Variants in NCKAP5 observed in about 807,000 individuals in gnomAD.
NCKAP5 encodes the protein nck-associated protein 5.
NCKAP5 carries 92 observed loss-of-function variants against 167.0 expected under a neutral mutation model. The ratio of observed to expected loss-of-function variants is 0.55; its 90% CI spans 0.47 to 0.66. The LOEUF (loss-of-function observed/expected upper bound fraction) is 0.66, where lower values mean the gene tolerates loss of function less well. Ranked by LOEUF, NCKAP5 falls within the 30% of genes least tolerant of loss-of-function variation. NCKAP5 has a pLI of 0.00. For missense variants in NCKAP5, 2,378 were observed against 2,315.0 expected (o/e 1.03, Z -0.56); for synonymous variants, 891 against 877.4 (o/e 1.02, Z -0.27).
At chr2:133,506,805 T>C (rs1321873044) in intron 3 of NCKAP5, among the ~76,000 whole-genome samples, 1 of 152,220 alleles carries the variant, frequency 6.6e-6, no homozygotes, top group Non-Finnish European at 1.5e-5. Flanking sequence ...GAGTGTGCAA[T>C]GTGTCTCCTT....
At chr2:132,792,397 A>G (rs1275485173) in intron 12 of NCKAP5, among the ~76,000 whole-genome samples, 1 of 152,212 alleles carries the variant, frequency 6.6e-6, no homozygotes, top group African/African-American at 2.4e-5. Flanking sequence ...AGATGCCTAC[A>G]ACAAATGGTT....
chr2:132,842,558 T>C (rs1197360288), intron 11 of NCKAP5, among the ~76,000 whole-genome samples: 4 of 152,108 alleles, frequency 2.6e-5, no homozygotes, highest in Non-Finnish European at 5.9e-5. Context: ...TTTCTTTTTT[T>C]TAAATCCTTT....
At chr2:133,477,024 C>T (rs1318661838) in intron 3 of NCKAP5, among the ~76,000 whole-genome samples, 2 of 152,202 alleles carry the variant, frequency 1.3e-5, no homozygotes, top group Non-Finnish European at 2.9e-5. Context: ...AACCTTTTCT[C>T]ACACATCCGC....
At chr2:133,273,641 T>G (rs1029311426) in intron 4 of NCKAP5, among the ~76,000 whole-genome samples, 1 of 151,944 alleles carries the variant, frequency 6.6e-6, no homozygotes, top group African/African-American at 2.4e-5. Context: ...AAAGGAAAAT[T>G]AAGGAGGCTC....
At chr2:132,894,769 A>T (rs1390508716) in intron 8 of NCKAP5, among the ~76,000 whole-genome samples, 2 of 152,174 alleles carry the variant, frequency 1.3e-5, no homozygotes, top group Non-Finnish European at 2.9e-5. Flanking sequence ...GATGGACAGT[A>T]GCAGGGTGAC....
At chr2:133,057,736 G>A (rs1304166171) in intron 6 of NCKAP5, among the ~76,000 whole-genome samples, 2 of 152,208 alleles carry the variant, frequency 1.3e-5, no homozygotes, top group African/African-American at 2.4e-5. Flanking sequence ...TGCTTTAGGT[G>A]CTTTTATATG....
chr2:132,906,443 G>T (rs1461074723), intron 8 of NCKAP5, among the ~76,000 whole-genome samples: 1 of 152,134 alleles, frequency 6.6e-6, no homozygotes, highest in Non-Finnish European at 1.5e-5. Context: ...GCCATGCAGA[G>T]GTGATATGGA....
chr2:133,237,047 TAA>T (rs112372084), intron 4 of NCKAP5, among the ~76,000 whole-genome samples: 4 of 142,908 alleles, frequency 2.8e-5, no homozygotes, highest in African/African-American at 1.0e-4. Context: ...TAAAGTATAA[TAA>T]AAAAAAAAGA....
At position 133,230,554 on chromosome 2, in the gene NCKAP5, C is replaced by T. The variant is rs2087097501; in HGVS notation, c.144-16775G>A. ...TGAGTTCTAATGTTACACTGGTCAC[C>T]CTGAGAGCTTTTTGCAAACTTCTTC... On this transcript the variant is annotated intron_variant, in intron 4 of 19. Transcript: ENST00000409261. 1.3e-5 allele frequency among the ~76,000 whole-genome samples: 2 copies of T among 152,088 alleles called. 1 individual carries two copies. The highest frequency in any genetic ancestry group is 4.1e-4 in the South Asian group (2 of 4,822).
chr2:133,391,022 G>A (rs1032912662), intron 3 of NCKAP5: 2 of 152,156 alleles, frequency 1.3e-5, no homozygotes, highest in African/African-American at 4.8e-5. Context: ...CATGTAGATG[G>A]AGCCTTCTTT....
chr2:132,784,940 C>A lies in NCKAP5; in HGVS notation c.1871G>T (p.Gly624Val). 1 of 1,600,750 alleles carries A rather than the reference C, an allele frequency of 6.2e-7. No homozygotes were observed. ...VENLDVLVGF[G>V]KSLCGSPEEE... ...TTCAGGAGACCCACATAGAGATTTT[C>A]CAAACCCCACAAGGACATCCAGGTT... The change falls in exon 14 of 20, where the codon GGA (glycine) becomes GTA (valine). Residue 624 changes from glycine (G) to valine (V), a missense_variant. By Grantham distance (109) the Gly-to-Val change is moderately radical. Transcript: ENST00000409261.
At chr2:133,651,339 G>T in the NCKAP5 span, among the ~76,000 whole-genome samples, 1 of 152,140 alleles carries the variant, frequency 6.6e-6, no homozygotes, top group Non-Finnish European at 1.5e-5. Flanking sequence ...TAAAATATGG[G>T]CTAAGGACTT....
chr2:132,987,490 A>T (rs774599836), intron 7 of NCKAP5, among the ~76,000 whole-genome samples: 7 of 152,202 alleles, frequency 4.6e-5, no homozygotes, highest in Non-Finnish European at 8.8e-5. Flanking sequence ...TGTTTAAAGA[A>T]TTATTTAAGG....
chr2:132,886,005 C>T (rs555938362), intron 8 of NCKAP5, among the ~76,000 whole-genome samples: 3 of 152,160 alleles, frequency 2.0e-5, no homozygotes, highest in Non-Finnish European at 4.4e-5. Context: ...GAGTCAGGCT[C>T]AGCTCCTAAA....
upstream of NCKAP5, among the ~76,000 whole-genome samples, chr2:133,570,763 G>A (rs1268844385): frequency 1.3e-5 from 2 of 152,196 alleles, no homozygotes; most frequent in African/African-American, 4.8e-5. Context: ...GCTTGTAGGG[G>A]CACAGGTGTG....
intron 6 of NCKAP5, among the ~76,000 whole-genome samples, chr2:133,093,789 T>C (rs564414734): frequency 2.2e-4 from 33 of 152,334 alleles, no homozygotes; most frequent in African/African-American, 7.9e-4. Context: ...TCAATGAGCA[T>C]GAAATATGCC....
At chr2:133,034,042 C>G (rs529074404) in intron 6 of NCKAP5, among the ~76,000 whole-genome samples, 2 of 152,062 alleles carry the variant, frequency 1.3e-5, no homozygotes, top group South Asian at 4.1e-4. Flanking sequence ...GCAGATTTAA[C>G]CCAAAGAAGA....
chr2:132,983,446 T>G (rs2149274313), intron 7 of NCKAP5, among the ~76,000 whole-genome samples: 1 of 152,332 alleles, frequency 6.6e-6, no homozygotes, highest in South Asian at 2.1e-4. Context: ...TATGGGTCTG[T>G]CATAGATGGC....
the NCKAP5 span, among the ~76,000 whole-genome samples, chr2:133,642,312 A>C: frequency 3.9e-5 from 6 of 152,150 alleles, no homozygotes; most frequent in African/African-American, 1.4e-4. Context: ...TGGAGATCAA[A>C]TTTCAACCTG....
Sources: allele counts gnomAD v4.1 joint callset (sites outside exome capture counted in the v4.1 genomes callset), GRCh38; gene constraint gnomAD v4.1.1; transcripts MANE v1.5; gene names NCBI Gene and HGNC (gene_info 2026-07-23, HGNC 2026-07-21).